Variants in TMEM45A observed in about 807,000 individuals in gnomAD.
The protein encoded by TMEM45A is DNA polymerase-transactivated protein 4.
TMEM45A carries 25 observed loss-of-function variants against 32.0 expected under a neutral mutation model. The ratio of observed to expected loss-of-function variants is 0.78; its 90% CI spans 0.57 to 1.09. The LOEUF (loss-of-function observed/expected upper bound fraction) is 1.09, where lower values mean the gene tolerates loss of function less well. Ranked by LOEUF, TMEM45A falls within the 50% of genes least tolerant of loss-of-function variation. The pLI, the probability that TMEM45A is intolerant of heterozygous loss-of-function variation, is 0.00. For missense variants in TMEM45A, 302 were observed against 325.0 expected, an observed-to-expected ratio of 0.93 and a Z score of 0.54; for synonymous variants, 122 against 114.8, an observed-to-expected ratio of 1.06 and a Z score of -0.40.
At chr3:100,561,614 A>C (rs1191665793) in intron 4 of TMEM45A, among the ~76,000 whole-genome samples, 1 of 152,166 alleles carries the variant, frequency 6.6e-6, no homozygotes, top group Non-Finnish European at 1.5e-5. Context: ...AAAGAAAAAA[A>C]AATCCTGCAA....
chr3:100,558,523 G>C lies in TMEM45A; in HGVS notation c.522G>C (p.Arg174=). 6.2e-7 allele frequency: 1 copy of C among 1,614,128 alleles called. No individual in the cohort carries two copies. Among genetic ancestry groups the C allele is most frequent in the Non-Finnish European group, 8.5e-7 (1 of 1,180,004 alleles). The change falls in exon 4 of 6, where the codon CGG becomes CGC. Residue 174 remains arginine (R), a synonymous_variant. Coordinates refer to ENST00000323523, the MANE Select transcript of TMEM45A (RefSeq NM_018004.3). ...TTGCCTTCCTAGAGTTCCTTGTTCG[G>C]AACAATGTACTTCTGGAGCTATTGC... ...GLVAFLEFLV[R]NNVLLELLRS... is the part of the protein sequence containing the mutation.
rs1302689927 is a variant in TMEM45A at position 100,510,373 on chromosome 3, T to C, written c.-4+17445T>C. On this transcript the variant is annotated intron_variant, in intron 1 of 5. Coordinates refer to ENST00000323523, the MANE Select transcript of TMEM45A (RefSeq NM_018004.3). Reference sequence around the variant, plus strand: ...AGCAGGGGCAGACTGACACCTCACATGGCTGGGTACTCCAACAGACCTGCA... The same window carrying C: ...AGCAGGGGCAGACTGACACCTCACACGGCTGGGTACTCCAACAGACCTGCA... Among the ~76,000 whole-genome samples, 7 of 152,122 alleles carry C rather than the reference T, an allele frequency of 4.6e-5. No homozygotes were observed. In the South Asian group the frequency reaches 1.2e-3, roughly 27 times the overall value.
At chr3:100,567,234 G>T (rs146542763) in intron 4 of TMEM45A, among the ~76,000 whole-genome samples, 1 of 151,316 alleles carries the variant, frequency 6.6e-6, no homozygotes, top group African/African-American at 2.4e-5. Flanking sequence ...GTGAATACCC[G>T]GTTATCTCAG....
In TMEM45A at chr3:100,536,704, C is replaced by T. The variant is rs80176564; in HGVS notation, c.-3-18505C>T. On this transcript the variant is annotated intron_variant, in intron 1 of 5. Coordinates refer to ENST00000323523, the MANE Select transcript of TMEM45A (RefSeq NM_018004.3). ...AGCCAGAAATTCACCAACAGCTTTGCTCAGGGCATGACAGTCTTCCTCAGG... is the reference window on the plus strand; with the variant it reads ...AGCCAGAAATTCACCAACAGCTTTGTTCAGGGCATGACAGTCTTCCTCAGG... 5.1e-4 allele frequency among the ~76,000 whole-genome samples: 77 copies of T among 152,268 alleles called. 1 individual carries two copies. Among genetic ancestry groups the T allele is most frequent in the East Asian group, 3.5e-3 (18 of 5,180 alleles).
intron 1 of TMEM45A, among the ~76,000 whole-genome samples, chr3:100,496,238 AT>A (rs1707924818): frequency 6.6e-6 from 1 of 152,210 alleles, no homozygotes; most frequent in African/African-American, 2.4e-5. Context: ...ACAGTCCATT[AT>A]TCACAGATGC....
At chr3:100,530,912 C>T (rs750894531) in intron 1 of TMEM45A, among the ~76,000 whole-genome samples, 1 of 152,132 alleles carries the variant, frequency 6.6e-6, no homozygotes, top group African/African-American at 2.4e-5. Flanking sequence ...TTACTGATTG[C>T]ATTCCCATGA....
At chr3:100,520,017 T>G (rs2148946591) in intron 1 of TMEM45A, among the ~76,000 whole-genome samples, 1 of 152,306 alleles carries the variant, frequency 6.6e-6, no homozygotes, top group South Asian at 2.1e-4. Context: ...ACTGAACCAC[T>G]TACTGTATGC....
At chr3:100,521,757 T>G (rs1339694889) in intron 1 of TMEM45A, among the ~76,000 whole-genome samples, 7 of 152,196 alleles carry the variant, frequency 4.6e-5, no homozygotes, top group African/African-American at 1.7e-4. Flanking sequence ...CAGGTGGGGC[T>G]GTTCTGATGT....
intron 1 of TMEM45A, among the ~76,000 whole-genome samples, chr3:100,504,450 T>G (rs1470718689): frequency 6.6e-6 from 1 of 152,194 alleles, no homozygotes; most frequent in African/African-American, 2.4e-5. Flanking sequence ...GTATAACCTA[T>G]GCACCACAGA....
At chr3:100,495,068 C>T (rs1003494862) in intron 1 of TMEM45A, among the ~76,000 whole-genome samples, 9 of 152,216 alleles carry the variant, frequency 5.9e-5, no homozygotes, top group Non-Finnish European at 1.2e-4. Context: ...CACTGTTGCA[C>T]ATCAGTTTCC....
At chr3:100,562,413 T>C (rs965697358) in intron 4 of TMEM45A, among the ~76,000 whole-genome samples, 8 of 152,214 alleles carry the variant, frequency 5.3e-5, no homozygotes, top group African/African-American at 1.9e-4. Flanking sequence ...TGTAGTCACA[T>C]CAGTTAACTC....
chr3:100,519,868 C>T (rs562316820), intron 1 of TMEM45A, among the ~76,000 whole-genome samples: 2 of 152,212 alleles, frequency 1.3e-5, no homozygotes, highest in South Asian at 2.1e-4. Context: ...AGATATGTGC[C>T]TTAAATGCTT....
At chr3:100,507,602 A>G (rs953268021) in intron 1 of TMEM45A, among the ~76,000 whole-genome samples, 4 of 150,754 alleles carry the variant, frequency 2.7e-5, no homozygotes, top group African/African-American at 1.0e-4. Context: ...TTCATTCCCA[A>G]TGGCTATTGT....
chr3:100,505,390 T>C (rs1480468632), intron 1 of TMEM45A, among the ~76,000 whole-genome samples: 4 of 150,718 alleles, frequency 2.7e-5, no homozygotes, highest in Non-Finnish European at 5.9e-5. Flanking sequence ...CCTATTCCAA[T>C]GATTTTTGGA....
At position 100,570,187 on chromosome 3, in the gene TMEM45A, T is replaced by G. The variant is rs994387903; in HGVS notation, c.734+1220T>G. On this transcript the variant is annotated intron_variant, in intron 5 of 5. Transcript: ENST00000323523. ...TATCCATATATGTGTGGATAGTGGC[T>G]ACTGTATTGGACACTACACATCTAG... Among the ~76,000 whole-genome samples, 62 of 152,238 alleles carry G rather than the reference T, an allele frequency of 4.1e-4. 1 individual carries two copies. The highest frequency in any genetic ancestry group is 1.5e-3 in the African/African-American group (61 of 41,460).
At chr3:100,576,788 A>G (rs1706697359) in intron 5 of TMEM45A, 137 bp from the exon 6 acceptor site, 4 of 714,948 alleles carry the variant, frequency 5.6e-6, no homozygotes, top group Admixed American at 2.8e-5. Flanking sequence ...CCAAAGCCAA[A>G]TAAAAGTAAT....
At chr3:100,565,972 G>A (rs2148992043) in intron 4 of TMEM45A, among the ~76,000 whole-genome samples, 1 of 152,218 alleles carries the variant, frequency 6.6e-6, no homozygotes, top group East Asian at 1.9e-4. Flanking sequence ...TCTGCTTTCT[G>A]TCTCTATGAA....
chr3:100,498,000 C>G (rs904812972), intron 1 of TMEM45A, among the ~76,000 whole-genome samples: 3 of 152,186 alleles, frequency 2.0e-5, no homozygotes, highest in African/African-American at 4.8e-5. Context: ...ATAATCCACA[C>G]GTGGAGAGGG....
intron 1 of TMEM45A, among the ~76,000 whole-genome samples, chr3:100,521,924 G>C (rs745565461): frequency 7.2e-5 from 11 of 152,204 alleles, no homozygotes; most frequent in Non-Finnish European, 1.5e-4. Context: ...ACGTTTGCTT[G>C]TTGTTTCAGG....
Sources: gnomAD v4.1 joint callset for allele counts (sites outside exome capture counted in the v4.1 genomes callset) on GRCh38, gnomAD v4.1.1 for gene constraint, MANE v1.5 for transcripts, NCBI Gene and HGNC (gene_info 2026-07-23, HGNC 2026-07-21) for gene names.